The following MPP7 variants were observed in gnomAD, a reference collection of about 807,000 sequenced individuals.
The protein encoded by MPP7 is MAGUK p55 scaffold protein 7.
In MPP7, 60 loss-of-function variants were observed where a neutral mutation model predicts 76.5. The ratio of observed to expected loss-of-function variants is 0.78; its 90% CI spans 0.64 to 0.97. The LOEUF (loss-of-function observed/expected upper bound fraction) is 0.97, where lower values mean the gene tolerates loss of function less well. Among genes scored for constraint, MPP7 ranks in the 50% least tolerant of loss-of-function variants. The pLI is 0.00. For missense variants in MPP7, 641 were observed against 694.0 expected, an observed-to-expected ratio of 0.92 and a Z score of 0.86; for synonymous variants, 237 against 244.5, an observed-to-expected ratio of 0.97 and a Z score of 0.29.
At chr10:28,184,814 T>C (rs981381749) in intron 3 of MPP7, among the ~76,000 whole-genome samples, 4 of 137,966 alleles carry the variant, frequency 2.9e-5, no homozygotes, top group Non-Finnish European at 6.4e-5. Context: ...TATTACATAT[T>C]AATATATTAA....
chr10:28,261,211 G>C (rs147483955), intron 1 of MPP7, among the ~76,000 whole-genome samples: 1 of 152,198 alleles, frequency 6.6e-6, no homozygotes, highest in Non-Finnish European at 1.5e-5. Flanking sequence ...AGAAAACACA[G>C]AATTAACTGT....
At chr10:28,313,335 GT>G (rs1235122632) in intron 2 of MPP7, among the ~76,000 whole-genome samples, 3 of 152,126 alleles carry the variant, frequency 2.0e-5, no homozygotes, top group Non-Finnish European at 4.4e-5. Flanking sequence ...GTGAAACCCC[GT>G]TTCTACAAAT....
intron 1 of MPP7, among the ~76,000 whole-genome samples, chr10:28,332,767 T>A (rs1482955127): frequency 1.3e-5 from 2 of 152,076 alleles, no homozygotes; most frequent in African/African-American, 4.8e-5. Flanking sequence ...GCTCAAGCAA[T>A]CCTCCCACCT....
At chr10:28,089,570 G>A (rs1204950409) in intron 12 of MPP7, 101 bp downstream of exon 12, 6 of 1,066,932 alleles carry the variant, frequency 5.6e-6, no homozygotes, top group African/African-American at 1.6e-5. Context: ...TGAAGGGGAG[G>A]AGATTTTTAG....
At chr10:28,104,653 G>C (rs1159874635) in intron 11 of MPP7, among the ~76,000 whole-genome samples, 2 of 152,258 alleles carry the variant, frequency 1.3e-5, no homozygotes, top group South Asian at 4.1e-4. Context: ...CAAATCTTTG[G>C]TCATTAGTTG....
intron 2 of MPP7, among the ~76,000 whole-genome samples, chr10:28,205,135 T>A (rs559750346): frequency 6.6e-6 from 1 of 152,226 alleles, no homozygotes; most frequent in African/African-American, 2.4e-5. Flanking sequence ...CTGGTAACCA[T>A]GACCACAGCA....
intron 2 of MPP7, among the ~76,000 whole-genome samples, chr10:28,317,721 G>A (rs1834336292): frequency 6.6e-6 from 1 of 152,178 alleles, no homozygotes; most frequent in African/African-American, 2.4e-5. Flanking sequence ...TGGCAGGAAA[G>A]TGAGTTAAAT....
At chr10:28,117,927 G>A (rs908242134) in intron 11 of MPP7, among the ~76,000 whole-genome samples, 2 of 151,722 alleles carry the variant, frequency 1.3e-5, no homozygotes, top group African/African-American at 2.4e-5. Flanking sequence ...TTTAATAAGA[G>A]AGACAGAGAG....
chr10:28,145,870 T>C (rs1835687045), intron 5 of MPP7, among the ~76,000 whole-genome samples: 1 of 152,222 alleles, frequency 6.6e-6, no homozygotes, highest in African/African-American at 2.4e-5. Context: ...ATGGCCCTTC[T>C]TAATAACGTC....
At chr10:28,088,893 T>C (rs1251764644) in intron 12 of MPP7, among the ~76,000 whole-genome samples, 1 of 152,172 alleles carries the variant, frequency 6.6e-6, no homozygotes, top group African/African-American at 2.4e-5. Context: ...CTTTTTATTT[T>C]GAGACAGAGT....
intron 3 of MPP7, among the ~76,000 whole-genome samples, chr10:28,166,400 A>ATTTT (rs34887665): frequency 7.5e-5 from 7 of 93,420 alleles, no homozygotes; most frequent in Non-Finnish European, 1.4e-4. Flanking sequence ...TTACCTTTTA[A>ATTTT]TTTTTTTTTT....
At chr10:28,206,844 C>T (rs1291921179) in intron 2 of MPP7, among the ~76,000 whole-genome samples, 1 of 152,094 alleles carries the variant, frequency 6.6e-6, no homozygotes, top group Non-Finnish European at 1.5e-5. Flanking sequence ...GTATCTTTAA[C>T]GTTGGCAAAT....
At chr10:28,056,682 T>A (rs1489506789) in intron 15 of MPP7, 59 bp from the exon 16 acceptor site, 2 of 1,446,462 alleles carry the variant, frequency 1.4e-6, no homozygotes, top group African/African-American at 1.5e-5. Flanking sequence ...AATTACTGAA[T>A]TTTCTTTCTA....
chr10:28,064,960 T>C (rs1331522700), intron 13 of MPP7, among the ~76,000 whole-genome samples: 1 of 152,146 alleles, frequency 6.6e-6, no homozygotes, highest in Admixed American at 6.6e-5. Flanking sequence ...ACGATTAATA[T>C]CCAAAAACAT....
At chr10:28,147,398 A>G in intron 5 of MPP7, 85 bp downstream of exon 5, 1 of 1,011,554 alleles carries the variant, frequency 9.9e-7, no homozygotes, top group Non-Finnish European at 1.6e-6. Context: ...TTACTTGAGA[A>G]TTGATGCTCG....
chr10:28,257,593 G>T (rs373826396), intron 1 of MPP7, among the ~76,000 whole-genome samples: 1 of 119,534 alleles, frequency 8.4e-6, no homozygotes, highest in Non-Finnish European at 1.7e-5. Context: ...TGGGGACTGT[G>T]GTGGGGTGGG....
At chr10:28,266,571 A>AAAAAAAG (rs948574393) in intron 1 of MPP7, among the ~76,000 whole-genome samples, 1 of 152,186 alleles carries the variant, frequency 6.6e-6, no homozygotes, top group African/African-American at 2.4e-5. Context: ...CCCTGACTTT[A>AAAAAAAG]AAAAAAGAAA....
chr10:28,073,217 G>C (rs1239825388), intron 12 of MPP7, among the ~76,000 whole-genome samples: 1 of 152,016 alleles, frequency 6.6e-6, no homozygotes, highest in Non-Finnish European at 1.5e-5. Flanking sequence ...ACCACCAAAG[G>C]CTGCCAATTT....
intron 11 of MPP7, among the ~76,000 whole-genome samples, chr10:28,106,702 T>G (rs1834335641): frequency 6.6e-6 from 1 of 152,174 alleles, no homozygotes; most frequent in Non-Finnish European, 1.5e-5. Context: ...TATCCTCAAC[T>G]ATAAAAACTG....
Sources: allele counts gnomAD v4.1 joint callset (sites outside exome capture counted in the v4.1 genomes callset), GRCh38; gene constraint gnomAD v4.1.1; transcripts MANE v1.5; gene names NCBI Gene and HGNC (gene_info 2026-07-23, HGNC 2026-07-21).